ANGPT2: variants seen among roughly 807,000 people sequenced by gnomAD.
ANGPT2 encodes angiopoietin 2, also known as angiopoietin-2.
ANGPT2 carries 28 observed loss-of-function variants against 62.9 expected under a neutral mutation model. The observed-to-expected ratio is 0.44, with a 90% confidence interval of 0.33 to 0.61. ANGPT2 has a LOEUF of 0.61. Among genes scored for constraint, ANGPT2 ranks in the 20% least tolerant of loss-of-function variants. The probability of loss-of-function intolerance (pLI) is 0.03; values close to 1 mark genes in which losing one functional copy is unlikely to be tolerated. For missense variants in ANGPT2, 727 were observed against 594.9 expected (o/e 1.22, Z -2.31); for synonymous variants, 284 against 207.8 (o/e 1.37, Z -3.15).
At chr8:6,526,135 C>T (rs867151161) in intron 3 of ANGPT2, among the ~76,000 whole-genome samples, 5 of 151,848 alleles carry the variant, frequency 3.3e-5, no homozygotes, top group African/African-American at 7.2e-5. Context: ...TTTAAGAAAA[C>T]GACGCCAGGT....
chr8:6,536,408 A>AG (rs1226357354), intron 1 of ANGPT2, among the ~76,000 whole-genome samples: 1 of 75,278 alleles, frequency 1.3e-5, no homozygotes, highest in Non-Finnish European at 3.1e-5. Flanking sequence ...GCCTTTTAAG[A>AG]GCCAAAGTGA....
intron 1 of ANGPT2, among the ~76,000 whole-genome samples, chr8:6,557,193 C>T (rs1287928501): frequency 2.0e-5 from 3 of 152,174 alleles, no homozygotes; most frequent in South Asian, 2.1e-4. Flanking sequence ...AGGGGATATG[C>T]GTGCTTTCCC....
At chr8:6,537,448 T>A (rs1820709463) in intron 1 of ANGPT2, among the ~76,000 whole-genome samples, 4 of 152,078 alleles carry the variant, frequency 2.6e-5, no homozygotes, top group Admixed American at 2.0e-4. Context: ...TGCTTAGTGT[T>A]ATTTGATTTG....
At chr8:6,517,693 C>G (rs1816528849) in intron 5 of ANGPT2, among the ~76,000 whole-genome samples, 1 of 152,166 alleles carries the variant, frequency 6.6e-6, no homozygotes, top group African/African-American at 2.4e-5. Flanking sequence ...TGTGTTGTCA[C>G]AACCCCCAAG....
intron 1 of ANGPT2, among the ~76,000 whole-genome samples, chr8:6,539,045 G>C (rs950498898): frequency 3.3e-5 from 5 of 152,222 alleles, no homozygotes; most frequent in African/African-American, 1.2e-4. Flanking sequence ...GTGTGTGTGT[G>C]TGTGTTTATT....
rs2272726 is a variant in ANGPT2 at position 6,508,810 on chromosome 8, T to C, written c.1327+122A>G. 5.1e-5 allele frequency: 69 copies of C among 1,339,984 alleles called. No individual in the cohort carries two copies. In the East Asian group the frequency reaches 1.3e-3, roughly 25 times the overall value. The allele number at this position is 1,339,984 out of a possible 1,614,324, so 83.0% of individuals were successfully genotyped here. A position where few individuals can be genotyped will look rare whatever the true frequency, so the allele number is the denominator to read the frequency against. ...CACATTTACCTATATCAAGCTAGTG[T>C]GTCTACGTATGAAATTGTGGACATC... On this transcript the variant is annotated intron_variant, in intron 8 of 8. Transcript: ENST00000629816.
chr8:6,562,695 C>A lies in ANGPT2; in HGVS notation c.240G>T (p.Leu80=). 1.9e-6 allele frequency: 3 copies of A among 1,609,146 alleles called. No homozygotes were observed. The highest frequency in any genetic ancestry group is 2.6e-6 in the Non-Finnish European group (3 of 1,176,036). The change falls in exon 1 of 9, where the codon CTG becomes CTT. Residue 80 remains leucine, a synonymous_variant. Coordinates refer to ENST00000629816, the MANE Select transcript of ANGPT2 (RefSeq NM_001118887.2). The stretch of plus-strand genomic sequence containing the variant: ...TTTCCATGATGTTCTCCAGCACTTG[C>A]AGCCTCTGCACCGAGTCATCGTATT... The part of the protein sequence containing the change: ...PLEYDDSVQR[L]QVLENIMENN...
At chr8:6,540,848 C>T (rs948259191) in intron 1 of ANGPT2, among the ~76,000 whole-genome samples, 5 of 152,194 alleles carry the variant, frequency 3.3e-5, no homozygotes, top group African/African-American at 7.2e-5. Context: ...GGTTCGCACA[C>T]GTGGACTCAG....
intron 1 of ANGPT2, among the ~76,000 whole-genome samples, chr8:6,535,105 T>G (rs1820250885): frequency 6.6e-6 from 1 of 152,188 alleles, no homozygotes; most frequent in South Asian, 2.1e-4. Flanking sequence ...ATTTACAAAG[T>G]GGTATAAATA....
At chr8:6,536,005 C>T (rs1820419129) in intron 1 of ANGPT2, among the ~76,000 whole-genome samples, 1 of 152,034 alleles carries the variant, frequency 6.6e-6, no homozygotes, top group African/African-American at 2.4e-5. Context: ...TGCAGTGAGC[C>T]ATGATCGTGC....
At position 6,527,583 on chromosome 8, in the gene ANGPT2, C is replaced by T. The variant is rs1440890819; in HGVS notation, c.538G>A (p.Glu180Lys). ...TTCTTATCTTGCAATTTGTTTATTT[C>T]ACTGGTCTGGTCCAAAATCTGTTTT... ...LEKQILDQTS[E>K]INKLQDKNSF... is the part of the protein sequence containing the mutation. The change falls in exon 3 of 9, where the codon GAA becomes AAA. Residue 180 changes from glutamate to lysine, a missense_variant. Coordinates refer to ENST00000629816, the MANE Select transcript of ANGPT2 (RefSeq NM_001118887.2). The T allele has an allele frequency of 1.2e-6, 2 of 1,613,928 alleles. No homozygotes were observed. The highest frequency in any genetic ancestry group is 1.1e-5 in the South Asian group (1 of 91,062).
In ANGPT2 at chr8:6,502,159, T is replaced by A. The variant is rs1050406760; in HGVS notation, c.*942A>T. The A allele has an allele frequency of 6.6e-6, 1 of 152,168 alleles. No individual in the cohort carries two copies. The highest frequency in any genetic ancestry group is 1.5e-5 in the Non-Finnish European group (1 of 68,032). The allele number at this position is 152,168 out of a possible 1,614,324, so 9.4% of individuals were successfully genotyped here. A position where few individuals can be genotyped will look rare whatever the true frequency, so the allele number is the denominator to read the frequency against. ...AGAATAGTGAGAAGATAGTAAAGTT[T>A]CTTTGTCATAGAATGAAATGTATAA... is the stretch of plus-strand genomic sequence containing the variant. On this transcript the variant is annotated 3_prime_UTR_variant, in exon 9 of 9. Coordinates refer to ENST00000629816, the MANE Select transcript of ANGPT2 (RefSeq NM_001118887.2).
At chr8:6,532,076 T>A (rs934735099) in intron 2 of ANGPT2, among the ~76,000 whole-genome samples, 1 of 152,172 alleles carries the variant, frequency 6.6e-6, no homozygotes, top group Non-Finnish European at 1.5e-5. Flanking sequence ...TTGGGATGCG[T>A]GGCATGAAAA....
intron 5 of ANGPT2, among the ~76,000 whole-genome samples, chr8:6,515,324 T>C (rs985368557): frequency 1.3e-5 from 2 of 152,162 alleles, no homozygotes; most frequent in African/African-American, 4.8e-5. Context: ...TTATGTGCAA[T>C]ACTAATCAGA....
intron 1 of ANGPT2, among the ~76,000 whole-genome samples, chr8:6,540,794 G>A (rs570122236): frequency 6.6e-6 from 1 of 152,396 alleles, no homozygotes; most frequent in East Asian, 1.9e-4. Flanking sequence ...GTCCCAGAGC[G>A]CAGCCATGCC....
chr8:6,543,969 T>C (rs1822076699), intron 1 of ANGPT2, among the ~76,000 whole-genome samples: 4 of 152,204 alleles, frequency 2.6e-5, no homozygotes, highest in Non-Finnish European at 5.9e-5. Context: ...TCTTTAAAGT[T>C]GCAATATATT....
intron 1 of ANGPT2, among the ~76,000 whole-genome samples, chr8:6,534,132 G>T (rs1220965968): frequency 6.6e-6 from 1 of 152,112 alleles, no homozygotes; most frequent in African/African-American, 2.4e-5. Flanking sequence ...TGAGCAGGAT[G>T]CATGAGAGGC....
chr8:6,556,965 T>G (rs971905389), intron 1 of ANGPT2, among the ~76,000 whole-genome samples: 16 of 152,188 alleles, frequency 1.1e-4, no homozygotes, highest in Non-Finnish European at 1.8e-4. Flanking sequence ...AGGCACTCGA[T>G]AAATATTTTT....
chr8:6,549,739 C>T (rs145307382), intron 1 of ANGPT2, among the ~76,000 whole-genome samples: 372 of 151,818 alleles, frequency 2.5e-3, no homozygotes, highest in African/African-American at 8.5e-3. Context: ...TGAGGAGGGG[C>T]GTGAGGGAGC....
Sources: allele counts gnomAD v4.1 joint callset (sites outside exome capture counted in the v4.1 genomes callset), GRCh38; gene constraint gnomAD v4.1.1; transcripts MANE v1.5; gene names NCBI Gene and HGNC (gene_info 2026-07-23, HGNC 2026-07-21).